Variants in HEMGN observed in about 807,000 individuals in gnomAD.
HEMGN encodes hemogen, also known as erythroid differentiation-associated gene protein.
HEMGN carries 32 observed loss-of-function variants against 45.7 expected under a neutral mutation model. That is an observed-to-expected ratio of 0.70 (90% confidence interval 0.53 to 0.94). HEMGN has a LOEUF of 0.94. Ranked by LOEUF, HEMGN falls within the 40% of genes least tolerant of loss-of-function variation. The pLI, the probability that HEMGN is intolerant of heterozygous loss-of-function variation, is 0.00. For synonymous variants in HEMGN, 183 were observed against 178.6 expected (o/e 1.02, Z -0.20); for missense variants, 530 against 564.2 (o/e 0.94, Z 0.61).
chr9:97,929,333 A>C (rs558252576), intron 3 of HEMGN, among the ~76,000 whole-genome samples: 1 of 152,198 alleles, frequency 6.6e-6, no homozygotes, highest in African/African-American at 2.4e-5. Context: ...AGAGCAAGTA[A>C]ACTACTAAAG....
intron 2 of HEMGN, 112 bp from the exon 3 acceptor site, chr9:97,931,333 G>T: frequency 1.4e-6 from 1 of 737,770 alleles, no homozygotes; most frequent in Non-Finnish European, 2.2e-6. Flanking sequence ...TCATGAACTA[G>T]TCACTTAATC....
At chr9:97,942,884 T>C (rs1827172471), upstream of HEMGN, among the ~76,000 whole-genome samples, 1 of 152,178 alleles carries the variant, frequency 6.6e-6, no homozygotes, top group Admixed American at 6.5e-5. Flanking sequence ...TTTAAGGCTA[T>C]ATTGATAAAA....
rs1177777849 is a variant in HEMGN, at chr9:97,930,543, G to T, written c.852C>A (p.Tyr284Ter). The change falls in exon 3 of 4, where the codon TAC becomes TAA. Residue 284 changes from tyrosine to a stop codon, truncating the protein, a stop_gained. Coordinates refer to ENST00000616898, the MANE Select transcript of HEMGN (RefSeq NM_197978.3). LOFTEE classifies it high-confidence loss of function. ...TDQNPAEPEE[Y>*]NETDQGIAET... Reference sequence around the variant, plus strand: ...CAGCTATTCCTTGATCTGTTTCATTGTATTCCTCTGGTTCTGCTGGATTTT... The same window carrying T: ...CAGCTATTCCTTGATCTGTTTCATTTTATTCCTCTGGTTCTGCTGGATTTT... 1 of 1,614,110 alleles carries T rather than the reference G, an allele frequency of 6.2e-7. No homozygotes were observed. The highest frequency in any genetic ancestry group is 1.7e-5 in the Admixed American group (1 of 60,020).
At chr9:97,938,832 G>T (rs898413635), upstream of HEMGN, among the ~76,000 whole-genome samples, 1 of 152,088 alleles carries the variant, frequency 6.6e-6, no homozygotes, top group Non-Finnish European at 1.5e-5. Context: ...CAGCAATTTT[G>T]TACCCTTTTT....
intron 3 of HEMGN, among the ~76,000 whole-genome samples, chr9:97,928,025 ATTTT>A (rs568022099): frequency 3.1e-5 from 4 of 127,460 alleles, no homozygotes; most frequent in Admixed American, 8.1e-5. Flanking sequence ...GATCAAGTGT[ATTTT>A]TTTTTTTTTT....
chr9:97,941,061 T>A (rs546079437), upstream of HEMGN, among the ~76,000 whole-genome samples: 2 of 152,002 alleles, frequency 1.3e-5, no homozygotes, highest in African/African-American at 4.8e-5. Context: ...AGATAAACAA[T>A]AAGGAAATAA....
chr9:97,937,626 A>C (rs1052618477), intron 1 of HEMGN, among the ~76,000 whole-genome samples: 1 of 152,090 alleles, frequency 6.6e-6, no homozygotes, highest in Non-Finnish European at 1.5e-5. Flanking sequence ...TTATGCCTTT[A>C]AAAATTTTAT....
At chr9:97,932,763 C>T (rs987539852) in intron 2 of HEMGN, among the ~76,000 whole-genome samples, 1 of 146,186 alleles carries the variant, frequency 6.8e-6, no homozygotes, top group East Asian at 2.0e-4. Context: ...GAGATTGTGC[C>T]ACTGCACTCC....
upstream of HEMGN, chr9:97,938,495 A>G (rs140530984): frequency 2.2e-3 from 393 of 176,002 alleles, 3 homozygotes; most frequent in African/African-American, 9.0e-3. Context: ...GTTCCTTTTT[A>G]CAGATGGAGG....
chr9:97,927,401 T>G lies in HEMGN; in HGVS notation c.1438A>C (p.Ser480Arg). 1 of 1,602,856 alleles carries G rather than the reference T, an allele frequency of 6.2e-7. No individual in the cohort carries two copies. Among genetic ancestry groups the G allele is most frequent in the Non-Finnish European group, 8.5e-7 (1 of 1,170,984 alleles). ...NESHPENDVY[S>R]YVLF ...GAGCATTGTTAAAACAAAACATAAC[T>G]ATAGACATCATTTTCTGGATGACTC... The change falls in exon 4 of 4, where the codon AGT becomes CGT. Residue 480 changes from serine (S) to arginine (R), a missense_variant. Coordinates refer to ENST00000616898, the MANE Select transcript of HEMGN (RefSeq NM_197978.3).
chr9:97,937,800 G>A (rs1827088908), intron 1 of HEMGN, among the ~76,000 whole-genome samples: 1 of 152,104 alleles, frequency 6.6e-6, no homozygotes, highest in Non-Finnish European at 1.5e-5. Context: ...TGAGTCAAAA[G>A]AATAAGCAGT....
chr9:97,930,891 T>C lies in HEMGN; in HGVS notation c.504A>G (p.Glu168=). The change falls in exon 3 of 4, where the codon GAA becomes GAG. Residue 168 remains glutamate, a synonymous_variant. Transcript: ENST00000616898. ...HSSETCQHVS[E]PEDLSPKMYQ... is the part of the protein sequence containing the mutation. ...ACATTTTAGGAGAGAGGTCTTCAGG[T>C]TCAGACACATGTTGGCATGTTTCAG... 1 of 1,614,192 alleles carries C rather than the reference T, an allele frequency of 6.2e-7. No homozygotes were observed. Among genetic ancestry groups the C allele is most frequent in the Non-Finnish European group, 8.5e-7 (1 of 1,180,016 alleles).
chr9:97,936,250 A>C lies in HEMGN; in HGVS notation c.94T>G (p.Trp32Gly), dbSNP rs775579172. The C allele has an allele frequency of 7.5e-6, 12 of 1,608,466 alleles. No individual in the cohort carries two copies. Among genetic ancestry groups the C allele is most frequent in the Non-Finnish European group, 1.0e-5 (12 of 1,176,086 alleles). The change falls in exon 2 of 4, where the codon TGG becomes GGG. Residue 32 changes from tryptophan (W) to glycine (G), a missense_variant. Physicochemically the swap from Trp to Gly is radical, Grantham distance 184 (BLOSUM62 -2). Transcript: ENST00000616898. ...ENHSPEVIGT[W>G]SLRNRELLRK... ...AGTAGTTCTCTGTTTCTCAAACTCC[A>C]GGTTCCAATGACTTCTGTAATAAAA...
At chr9:97,931,349 G>A (rs973998283) in intron 2 of HEMGN, 128 bp from the exon 3 acceptor site, 47 of 656,802 alleles carry the variant, frequency 7.2e-5, no homozygotes, top group Non-Finnish European at 1.1e-4. Context: ...TAATCTCTCT[G>A]GGCCTCAATC....
upstream of HEMGN, among the ~76,000 whole-genome samples, chr9:97,940,316 C>T (rs1292209483): frequency 6.6e-6 from 1 of 152,118 alleles, no homozygotes; most frequent in African/African-American, 2.4e-5. Context: ...TCTTTATATC[C>T]TGCTACAACC....
chr9:97,936,077 G>T, intron 2 of HEMGN, 94 bp downstream of exon 2: 1 of 843,806 alleles, frequency 1.2e-6, no homozygotes, highest in Non-Finnish European at 2.0e-6. Context: ...TTGTTGGAAA[G>T]ATAAAATACA....
intron 1 of HEMGN, among the ~76,000 whole-genome samples, 153 bp downstream of exon 1, chr9:97,937,905 C>A (rs1364847599): frequency 2.0e-5 from 3 of 151,850 alleles, no homozygotes; most frequent in Admixed American, 2.0e-4. Flanking sequence ...TGTTTTACCA[C>A]AGCCATCGAA....
upstream of HEMGN, among the ~76,000 whole-genome samples, chr9:97,941,997 TGG>T (rs1827159884): frequency 6.6e-6 from 1 of 152,316 alleles, no homozygotes; most frequent in Middle Eastern, 3.4e-3. Flanking sequence ...ATATAATTTT[TGG>T]GGGACCCATG....
Position 97,938,144 on chromosome 9 carries a change from C to A in HEMGN, c.-8G>T. On this transcript the variant is annotated 5_prime_UTR_variant, in exon 1 of 4. Coordinates refer to ENST00000616898, the MANE Select transcript of HEMGN (RefSeq NM_197978.3). ...GTCCTTTCCCAAATCCATCTTGCTG[C>A]AATACCTTCCTGCTATTTTGGTCTG... 1 of 1,602,508 alleles carries A rather than the reference C, an allele frequency of 6.2e-7. No homozygotes were observed. Among genetic ancestry groups the A allele is most frequent in the African/African-American group, 1.3e-5 (1 of 74,592 alleles).
Sources: gnomAD v4.1 joint callset for allele counts (sites outside exome capture counted in the v4.1 genomes callset) on GRCh38, gnomAD v4.1.1 for gene constraint, MANE v1.5 for transcripts, NCBI Gene and HGNC (gene_info 2026-07-23, HGNC 2026-07-21) for gene names.